The following SLC30A8 variants were observed in gnomAD, a reference collection of about 807,000 sequenced individuals.
SLC30A8 encodes proton-coupled zinc antiporter SLC30A8.
A neutral mutation model predicts 36.9 loss-of-function variants in SLC30A8; 27 were observed. That is an observed-to-expected ratio of 0.73 (90% confidence interval 0.54 to 1.01). The LOEUF is 1.01. Ranked by LOEUF, SLC30A8 falls within the 50% of genes least tolerant of loss-of-function variation. SLC30A8 has a pLI of 0.00. For synonymous variants in SLC30A8, 164 were observed against 172.4 expected, an observed-to-expected ratio of 0.95 and a Z score of 0.38; for missense variants, 439 against 452.0, an observed-to-expected ratio of 0.97 and a Z score of 0.26.
In SLC30A8 at chr8:117,001,204, C is replaced by CTTT. The variant is rs34639384; in HGVS notation, c.-265-37995_-265-37993dup. ...CGTAGGAGAAAATATTTGCTAGGGG[C>CTTT]TTTTTTTTTTTTTTTTTTTTTTGGA... On this transcript the variant is annotated intron_variant, in intron 1 of 10. Coordinates refer to the SLC30A8 transcript ENST00000427715. 5.0e-3 allele frequency among the ~76,000 whole-genome samples: 395 copies of CTTT among 78,228 alleles called. 7 individuals are homozygous for CTTT. Among genetic ancestry groups the CTTT allele is most frequent in the African/African-American group, 0.015 (316 of 20,652 alleles). 51.3% of individuals were successfully genotyped at this position (78,228 alleles called of 152,430 possible).
At chr8:117,098,324 C>T (rs1242195460) in intron 2 of SLC30A8, among the ~76,000 whole-genome samples, 3 of 151,818 alleles carry the variant, frequency 2.0e-5, no homozygotes, top group Non-Finnish European at 4.4e-5. Flanking sequence ...TCTGATCAAT[C>T]AGTATAAATC....
At chr8:117,101,726 C>T (rs527585637) in intron 2 of SLC30A8, among the ~76,000 whole-genome samples, 2 of 152,246 alleles carry the variant, frequency 1.3e-5, no homozygotes, top group Non-Finnish European at 2.9e-5. Context: ...TAAAAGCAGG[C>T]AGAAGAATGT....
intron 2 of SLC30A8, among the ~76,000 whole-genome samples, chr8:117,104,691 T>C (rs1485541015): frequency 6.6e-6 from 1 of 152,006 alleles, no homozygotes; most frequent in African/African-American, 2.4e-5. Flanking sequence ...GGCAAATCCA[T>C]AGGGTAAAGT....
In SLC30A8 at chr8:117,143,665, AACACACACACACACACACACAC is replaced by A. The variant is rs58613241; in HGVS notation, c.72-3278_72-3257del. Among the ~76,000 whole-genome samples the A allele has an allele frequency of 2.7e-5, 4 of 146,294 alleles. 1 individual carries two copies. Among genetic ancestry groups the A allele is most frequent in the Admixed American group, 6.8e-5 (1 of 14,642 alleles). ...CTGTGTACTCTTGCCTCTCCCATAA[AACACACACACACACACACACAC>A]ACACACACACTCACACATGAACACA... On this transcript the variant is annotated intron_variant, in intron 1 of 7. Coordinates refer to ENST00000456015, the MANE Select transcript of SLC30A8 (RefSeq NM_173851.3).
intron 4 of SLC30A8, among the ~76,000 whole-genome samples, chr8:117,158,546 T>C (rs561285503): frequency 6.6e-6 from 1 of 152,350 alleles, no homozygotes; most frequent in South Asian, 2.1e-4. Context: ...GTTAGTTAAA[T>C]TCTCCCTTAA....
intron 6 of SLC30A8, among the ~76,000 whole-genome samples, chr8:117,169,008 C>T (rs1823220283): frequency 6.6e-6 from 1 of 152,096 alleles, no homozygotes; most frequent in Admixed American, 6.6e-5. Context: ...AAGTACTTTG[C>T]ACAAACTTTA....
chr8:117,146,033 A>T (rs1185107867), intron 1 of SLC30A8, among the ~76,000 whole-genome samples: 3 of 152,124 alleles, frequency 2.0e-5, no homozygotes, highest in African/African-American at 7.2e-5. Context: ...TGAGAGAAGA[A>T]AAAGATCTGG....
upstream of SLC30A8, among the ~76,000 whole-genome samples, chr8:117,130,705 A>T (rs1370167669): frequency 6.6e-6 from 1 of 151,972 alleles, no homozygotes; most frequent in African/African-American, 2.4e-5. Flanking sequence ...AAATAAAAAG[A>T]CATATAGTTG....
chr8:117,088,303 T>A (rs1159110736), intron 2 of SLC30A8, among the ~76,000 whole-genome samples: 1 of 152,148 alleles, frequency 6.6e-6, no homozygotes, highest in Non-Finnish European at 1.5e-5. Context: ...CGTAGAAAAC[T>A]GATCCTATAA....
At chr8:117,110,397 A>G (rs530306008) in intron 2 of SLC30A8, among the ~76,000 whole-genome samples, 2 of 152,338 alleles carry the variant, frequency 1.3e-5, no homozygotes, top group African/African-American at 4.8e-5. Flanking sequence ...AAAAGAGCCA[A>G]GGAAATGACG....
chr8:116,978,958 C>T (rs146385788), intron 1 of SLC30A8, among the ~76,000 whole-genome samples: 2,131 of 149,894 alleles, frequency 0.014, 60 homozygotes, highest in African/African-American at 0.05. Flanking sequence ...ATAAGGAGGC[C>T]GGGCACAGTA....
chr8:117,036,323 G>C (rs1817213010), intron 1 of SLC30A8, among the ~76,000 whole-genome samples: 1 of 152,110 alleles, frequency 6.6e-6, no homozygotes, highest in South Asian at 2.1e-4. Flanking sequence ...ATATCTTCCT[G>C]TCTTCTTCTG....
chr8:117,156,840 G>C lies in SLC30A8; in HGVS notation c.419-851G>C, dbSNP rs141774893. ...TCTGGGAAATAATTGCCACACAATG[G>C]GTAATAATATATTACATTACTCTGC... is the stretch of plus-strand genomic sequence containing the variant. On this transcript the variant is annotated intron_variant, in intron 3 of 7. Transcript: ENST00000456015. Among the ~76,000 whole-genome samples the C allele has an allele frequency of 2.9e-3, 448 of 152,208 alleles. 2 individuals are homozygous for C. The highest frequency in any genetic ancestry group is 0.02 in the Middle Eastern group (6 of 294).
chr8:117,153,450 G>A (rs1323958132), intron 3 of SLC30A8, among the ~76,000 whole-genome samples: 2 of 152,132 alleles, frequency 1.3e-5, no homozygotes, highest in African/African-American at 2.4e-5. Flanking sequence ...GCAAAATGAG[G>A]CACAGAGCAC....
intron 5 of SLC30A8, 141 bp from the exon 6 acceptor site, chr8:117,163,284 C>T: frequency 1.7e-6 from 1 of 574,444 alleles, no homozygotes; most frequent in Non-Finnish European, 3.0e-6. Context: ...AGTCTTCCCT[C>T]TCAGTTGGAT....
intron 1 of SLC30A8, among the ~76,000 whole-genome samples, chr8:116,952,204 A>G (rs1814017044): frequency 6.6e-6 from 1 of 152,176 alleles, no homozygotes; most frequent in Admixed American, 6.5e-5. Context: ...GGTGTTAAGA[A>G]GTGTGGCTGA....
At chr8:116,966,526 G>A (rs145433540) in intron 1 of SLC30A8, among the ~76,000 whole-genome samples, 102 of 152,074 alleles carry the variant, frequency 6.7e-4, no homozygotes, top group Non-Finnish European at 1.0e-3. Flanking sequence ...CCTACAAGTC[G>A]GTAATACCTC....
At chr8:117,137,878 C>G (rs1482110016) in intron 1 of SLC30A8, among the ~76,000 whole-genome samples, 1 of 151,718 alleles carries the variant, frequency 6.6e-6, no homozygotes, top group Non-Finnish European at 1.5e-5. Flanking sequence ...TAGATTCTAT[C>G]TCTTGATTGC....
At chr8:116,966,784 G>C (rs1814614521) in intron 1 of SLC30A8, among the ~76,000 whole-genome samples, 1 of 152,188 alleles carries the variant, frequency 6.6e-6, no homozygotes, top group African/African-American at 2.4e-5. Flanking sequence ...TAAGAGAGGA[G>C]GATGTTGTTA....
Sources: gnomAD v4.1 joint callset for allele counts (sites outside exome capture counted in the v4.1 genomes callset) on GRCh38, gnomAD v4.1.1 for gene constraint, MANE v1.5 for transcripts, NCBI Gene and HGNC (gene_info 2026-07-23, HGNC 2026-07-21) for gene names.